The following PCDH12 variants were observed in gnomAD, a reference collection of about 807,000 sequenced individuals.
PCDH12 encodes protocadherin 12.
A neutral mutation model predicts 70.9 loss-of-function variants in PCDH12; 45 were observed. The observed-to-expected ratio is 0.63, with a 90% CI of 0.50 to 0.81. The LOEUF (loss-of-function observed/expected upper bound fraction) is 0.81. Among genes scored for constraint, PCDH12 ranks in the 40% least tolerant of loss-of-function variants. The pLI is 0.00. For synonymous variants in PCDH12, 567 were observed against 626.0 expected (o/e 0.91, Z 1.41); for missense variants, 1,370 against 1,491.7 (o/e 0.92, Z 1.34).
intron 1 of PCDH12, chr5:141,952,912 G>A (rs1753113459): frequency 6.6e-6 from 1 of 152,230 alleles, no homozygotes; most frequent in South Asian, 2.1e-4. Context: ...GCAGCTTGAG[G>A]TAGGAAGTGT....
In PCDH12 at chr5:141,949,602, A is replaced by G; in HGVS notation, c.2979-19T>C. Reference sequence around the variant, plus strand: ...TGCACTCCTGCAAAAGAAACCAACCAGTCCATGGGTAGGGACATTCCCATA... The same window carrying G: ...TGCACTCCTGCAAAAGAAACCAACCGGTCCATGGGTAGGGACATTCCCATA... On this transcript the variant is annotated intron_variant, in intron 2 of 3. Coordinates refer to ENST00000231484, the MANE Select transcript of PCDH12 (RefSeq NM_016580.4). 6.2e-7 allele frequency: 1 copy of G among 1,610,726 alleles called. No homozygotes were observed. Among genetic ancestry groups the G allele is most frequent in the African/African-American group, 1.3e-5 (1 of 74,836 alleles).
rs770265325 is a variant in PCDH12, at chr5:141,955,185, C to T, written c.2667G>A (p.Arg889=). 45 of 1,614,070 alleles carry T rather than the reference C, an allele frequency of 2.8e-5. No individual in the cohort carries two copies. Among genetic ancestry groups the T allele is most frequent in the Non-Finnish European group, 3.5e-5 (41 of 1,180,036 alleles). Residue 889 remains arginine (R), a synonymous_variant, in exon 1 of 4, where the codon AGG becomes AGA. Transcript: ENST00000231484. The surrounding 1 kb of genome is among the most constrained non-coding windows in gnomAD (Gnocchi z 5.5). ...PLKVAGSPTG[R]LAGDQGSEEA... ...CCTCACTGCCCTGGTCTCCAGCCAG[C>T]CTCCCTGTGGGGCTGCCTGCAACCT... is the stretch of plus-strand genomic sequence containing the variant.
At chr5:141,948,441 G>A (rs571464039) in intron 3 of PCDH12, among the ~76,000 whole-genome samples, 2 of 152,344 alleles carry the variant, frequency 1.3e-5, no homozygotes, top group East Asian at 1.9e-4. Context: ...ATGGTCTGCC[G>A]TGGGGTGTGT....
chr5:141,945,769 G>T lies in PCDH12; in HGVS notation c.3167C>A (p.Ala1056Asp), dbSNP rs775789448. The change falls in exon 4 of 4, where the codon GCC becomes GAC. Residue 1056 changes from alanine (A) to aspartate (D), a missense_variant. By Grantham distance (126) the Ala-to-Asp change is moderately radical. Coordinates refer to ENST00000231484, the MANE Select transcript of PCDH12 (RefSeq NM_016580.4). Reference sequence around the variant, plus strand: ...GGGCAAAGAGAGTCTCGCCATCCAGGCCGGGTCAGGGGCGCTCAGCCGGTC... The same window carrying T: ...GGGCAAAGAGAGTCTCGCCATCCAGTCCGGGTCAGGGGCGCTCAGCCGGTC... ...ALDRLSAPDP[A>D]WMARLSLPLT... 6.2e-7 allele frequency: 1 copy of T among 1,613,716 alleles called. No homozygotes were observed. The highest frequency in any genetic ancestry group is 8.5e-7 in the Non-Finnish European group (1 of 1,179,986).
intron 3 of PCDH12, among the ~76,000 whole-genome samples, chr5:141,947,285 T>G (rs1752960708): frequency 6.6e-6 from 1 of 152,230 alleles, no homozygotes; most frequent in Admixed American, 6.5e-5. Context: ...TGAATGAACA[T>G]AAATATTAAC....
chr5:141,957,409 G>T lies in PCDH12; in HGVS notation c.443C>A (p.Ala148Asp). 1.2e-6 allele frequency: 2 copies of T among 1,613,380 alleles called. No individual in the cohort carries two copies. The highest frequency in any genetic ancestry group is 1.7e-6 in the Non-Finnish European group (2 of 1,179,646). ...CAGGGGGATCCGGGTTCGCAGAGAG[G>T]CGCTCTCAGAGATTTCCAGCTCCTG... is the stretch of plus-strand genomic sequence containing the variant. ...GEQELEISES[A>D]SLRTRIPLDR... is the part of the protein sequence containing the mutation. The change falls in exon 1 of 4, where the codon GCC becomes GAC. Residue 148 changes from alanine (A) to aspartate (D), a missense_variant. By Grantham distance (126) the Ala-to-Asp change is moderately radical. Coordinates refer to ENST00000231484, the MANE Select transcript of PCDH12 (RefSeq NM_016580.4). The surrounding 1 kb of genome is among the most constrained non-coding windows in gnomAD (Gnocchi z 4.3).
Position 141,957,456 on chromosome 5 carries a change from C to A in PCDH12, c.396G>T (p.Gln132His), listed in dbSNP as rs1251532748. 1.2e-6 allele frequency: 2 copies of A among 1,612,400 alleles called. No homozygotes were observed. Among genetic ancestry groups the A allele is most frequent in the Admixed American group, 3.3e-5 (2 of 59,882 alleles). The change falls in exon 1 of 4, where the codon CAG becomes CAT. Residue 132 changes from glutamine (Q) to histidine (H), a missense_variant. By Grantham distance (24) the Gln-to-His change is conservative. Transcript: ENST00000231484. The surrounding 1 kb of genome is among the most constrained non-coding windows in gnomAD (Gnocchi z 4.3). ...EIQVLDINDH[Q>H]PRFPKGEQEL... ...CCTGCTCGCCTTTGGGAAACCGTGG[C>A]TGGTGGTCATTGATGTCCAGCACTT... is the stretch of plus-strand genomic sequence containing the variant.
intron 2 of PCDH12, 96 bp downstream of exon 2, chr5:141,951,397 G>A: frequency 1.1e-6 from 1 of 921,238 alleles, no homozygotes; most frequent in Non-Finnish European, 1.8e-6. Context: ...ACCGGTGTCT[G>A]ACTTGTGCTC....
intron 1 of PCDH12, among the ~76,000 whole-genome samples, chr5:141,953,586 C>T (rs941679752): frequency 6.6e-6 from 1 of 152,208 alleles, no homozygotes; most frequent in African/African-American, 2.4e-5. Context: ...AAGTTGATCC[C>T]AAATGGGCAC....
rs1372790544 is a variant in PCDH12 at position 141,956,611 on chromosome 5, G to T, written c.1241C>A (p.Thr414Asn). 6.2e-7 allele frequency: 1 copy of T among 1,614,108 alleles called. No homozygotes were observed. The highest frequency in any genetic ancestry group is 8.5e-7 in the Non-Finnish European group (1 of 1,180,042). The change falls in exon 1 of 4, where the codon ACC (threonine) becomes AAC (asparagine). Residue 414 changes from threonine (T) to asparagine (N), a missense_variant. Coordinates refer to ENST00000231484, the MANE Select transcript of PCDH12 (RefSeq NM_016580.4). ...CTGCTCTCTGTCCAGTGTGGCATTG[G>T]TTAGCAACATGTATGTGTTGCCATT... ...RTNGNTYMLL[T>N]NATLDREQWP...
At chr5:141,946,012 G>A (rs1596638925) in intron 3 of PCDH12, among the ~76,000 whole-genome samples, 1 of 152,172 alleles carries the variant, frequency 6.6e-6, no homozygotes, top group Non-Finnish European at 1.5e-5. Context: ...TGACACACCC[G>A]GGCGAACCAA....
chr5:141,957,673 C>G lies in PCDH12; in HGVS notation c.179G>C (p.Arg60Thr). ...CACCTGGAAGGCAGCCCCAGCTTGC[C>G]TCCGCCTCTCCTCCCGGCCCAGTTC... ...SQELGREERR[R>T]QAGAAFQVLQ... Residue 60 changes from arginine to threonine, a missense_variant, in exon 1 of 4, where the codon AGG (arginine) becomes ACG (threonine). Physicochemically the swap from Arg to Thr is moderately conservative, Grantham distance 71. Transcript: ENST00000231484. The surrounding 1 kb of genome is among the most constrained non-coding windows in gnomAD (Gnocchi z 4.3). 6.2e-7 allele frequency: 1 copy of G among 1,614,194 alleles called. No individual in the cohort carries two copies. Among genetic ancestry groups the G allele is most frequent in the South Asian group, 1.1e-5 (1 of 91,082 alleles).
intron 3 of PCDH12, 192 bp downstream of exon 3, chr5:141,949,240 A>G (rs982897528): frequency 1.1e-6 from 1 of 910,370 alleles, no homozygotes; most frequent in Non-Finnish European, 1.3e-6. Flanking sequence ...GTCTAAAAAA[A>G]AAAAAAATCA....
At chr5:141,949,845 C>A (rs1213035191) in intron 2 of PCDH12, among the ~76,000 whole-genome samples, 2 of 152,154 alleles carry the variant, frequency 1.3e-5, no homozygotes, top group Non-Finnish European at 2.9e-5. Flanking sequence ...GAGGGGCCTA[C>A]CACAGAGCCT....
Position 141,955,802 on chromosome 5 carries a change from G to T in PCDH12, c.2050C>A (p.Pro684Thr), listed in dbSNP as rs762460872. ...CTCAACAGGGCTCGGGTCTGTAAGGGGGGGCTTCCCTGGTCCTCTACTACT... is the reference window on the plus strand; with the variant it reads ...CTCAACAGGGCTCGGGTCTGTAAGGTGGGGCTTCCCTGGTCCTCTACTACT... ...EIVVEDQGSP[P>T]LQTRALLRVM... is the part of the protein sequence containing the mutation. Residue 684 changes from proline (P) to threonine (T), a missense_variant, in exon 1 of 4, where the codon CCC becomes ACC. Coordinates refer to ENST00000231484, the MANE Select transcript of PCDH12 (RefSeq NM_016580.4). This position sits in a 1 kb window ranked among gnomAD's most constrained non-coding sequence, Gnocchi z 5.5. The T allele has an allele frequency of 6.2e-7, 1 of 1,613,860 alleles. No homozygotes were observed. Among genetic ancestry groups the T allele is most frequent in the Admixed American group, 1.7e-5 (1 of 59,970 alleles).
chr5:141,951,082 A>G (rs1297889692), intron 2 of PCDH12, among the ~76,000 whole-genome samples: 1 of 152,232 alleles, frequency 6.6e-6, no homozygotes, highest in African/African-American at 2.4e-5. Context: ...AGGATTGCCC[A>G]AAGGGACACG....
Position 141,949,492 on chromosome 5 carries a change from C to T in PCDH12, c.3070G>A (p.Asp1024Asn), listed in dbSNP as rs1330076533. The change falls in exon 3 of 4, where the codon GAC (aspartate) becomes AAC (asparagine). Residue 1024 changes from aspartate to asparagine, a missense_variant. Transcript: ENST00000231484. ...TCTAGCAGTTGCTTCACAGAGAGGT[C>T]CTCTTCAGGATCCAAAGGCCCTTCC... Reference protein sequence around the residue: ...QEEGPLDPEEDLSVKQLLEEE... With the variant: ...QEEGPLDPEENLSVKQLLEEE... 1 of 1,614,046 alleles carries T rather than the reference C, an allele frequency of 6.2e-7. No individual in the cohort carries two copies. The highest frequency in any genetic ancestry group is 1.3e-5 in the African/African-American group (1 of 74,924).
rs1753217119 is a variant in PCDH12, at chr5:141,958,043, C to T, written c.-192G>A. The T allele has an allele frequency of 1.6e-5, 10 of 642,506 alleles. No individual in the cohort carries two copies. Among genetic ancestry groups the T allele is most frequent in the South Asian group, 4.2e-5 (2 of 48,002 alleles). 39.8% of individuals were successfully genotyped at this position (642,506 alleles called of 1,614,324 possible). On this transcript the variant is annotated 5_prime_UTR_variant, in exon 1 of 4. Coordinates refer to ENST00000231484, the MANE Select transcript of PCDH12 (RefSeq NM_016580.4). ...AAGGCAAGGCCATCTTCATTGGAAG[C>T]GATCTGAGATGTCCAAACGCCGATC...
At chr5:141,950,535 C>G (rs985023663) in intron 2 of PCDH12, among the ~76,000 whole-genome samples, 3 of 152,134 alleles carry the variant, frequency 2.0e-5, no homozygotes, top group Non-Finnish European at 4.4e-5. Context: ...ACCCATTGTA[C>G]AAATGAGAAA....
Sources: gnomAD v4.1 joint callset for allele counts (sites outside exome capture counted in the v4.1 genomes callset) on GRCh38, gnomAD v4.1.1 for gene constraint, Gnocchi (gnomAD v3.1) non-coding constraint, MANE v1.5 for transcripts, NCBI Gene and HGNC (gene_info 2026-07-23, HGNC 2026-07-21) for gene names.